The following RNF157 variants were observed in gnomAD, a reference collection of about 807,000 sequenced individuals.
RNF157 encodes E3 ubiquitin ligase RNF157.
Under a neutral mutation model 88.3 loss-of-function variants are expected in RNF157, and 55 were observed. The observed-to-expected ratio is 0.62, with a 90% confidence interval of 0.50 to 0.78. RNF157 has a LOEUF of 0.78. Among genes scored for constraint, RNF157 ranks in the 30% least tolerant of loss-of-function variants. The probability of loss-of-function intolerance (pLI) is 0.00; values close to 1 mark genes in which losing one functional copy is unlikely to be tolerated. For missense variants in RNF157, 788 were observed against 860.8 expected, an observed-to-expected ratio of 0.92 and a Z score of 1.06; for synonymous variants, 334 against 341.2, an observed-to-expected ratio of 0.98 and a Z score of 0.23.
At chr17:76,238,216 C>T (rs988774749) in intron 1 of RNF157, among the ~76,000 whole-genome samples, 1 of 152,052 alleles carries the variant, frequency 6.6e-6, no homozygotes, top group Non-Finnish European at 1.5e-5. Flanking sequence ...AGAAGAAAGG[C>T]GATGCCTCCG....
At position 76,147,141 on chromosome 17, in the gene RNF157, T is replaced by C. The variant is rs939139661; in HGVS notation, c.1922-1788A>G. On this transcript the variant is annotated intron_variant, in intron 18 of 18. Transcript: ENST00000269391. ...GAGTCAAGGTGTTTTTTTTCACCTC[T>C]AATGGTGGCACTATGTGTCTAAGTG... The C allele has an allele frequency of 2.9e-5, 29 of 985,136 alleles. No individual in the cohort carries two copies. In the African/African-American group the frequency reaches 4.7e-4, roughly 16 times the overall value. 61.0% of individuals were successfully genotyped at this position (985,136 alleles called of 1,614,324 possible). A position where few individuals can be genotyped will look rare whatever the true frequency, so the allele number is the denominator to read the frequency against.
chr17:76,159,348 TTTTGAG>T lies in RNF157; in HGVS notation c.1285_1290del (p.Leu429_Lys430del), dbSNP rs757621322. Reference sequence around the variant, plus strand: ...CTGGCTACTCACTTGGAGAGACTCTTTTTGAGTTTGAGTCCCTGACTGCTGCTGTCA... The same window carrying T: ...CTGGCTACTCACTTGGAGAGACTCTTTTTGAGTCCCTGACTGCTGCTGTCA... On this transcript the variant is annotated inframe_deletion, in exon 12 of 19. Transcript: ENST00000269391. 2 of 1,613,014 alleles carry T rather than the reference TTTTGAG, an allele frequency of 1.2e-6. No homozygotes were observed. Among genetic ancestry groups the T allele is most frequent in the African/African-American group, 2.7e-5 (2 of 74,880 alleles).
At chr17:76,150,691 T>C (rs1245010129) in intron 18 of RNF157, among the ~76,000 whole-genome samples, 2 of 152,228 alleles carry the variant, frequency 1.3e-5, no homozygotes, top group Non-Finnish European at 2.9e-5. Flanking sequence ...CCATAGCCCT[T>C]GCCACAGAAG....
intron 5 of RNF157, 74 bp from the exon 6 acceptor site, chr17:76,166,601 G>A: frequency 2.5e-6 from 3 of 1,188,206 alleles, no homozygotes; most frequent in Non-Finnish European, 3.7e-6. Context: ...ATCTCAGAAA[G>A]GGCGATACTG....
chr17:76,220,919 T>C (rs1162055108), intron 1 of RNF157, among the ~76,000 whole-genome samples: 3 of 151,194 alleles, frequency 2.0e-5, no homozygotes, highest in East Asian at 3.9e-4. Flanking sequence ...GATTGCGCCA[T>C]TGTACTCTGA....
At chr17:76,162,060 TACTG>T in intron 9 of RNF157, 58 bp from the exon 10 acceptor site, 1 of 1,553,842 alleles carries the variant, frequency 6.4e-7, no homozygotes, top group Non-Finnish European at 8.8e-7. Flanking sequence ...TCCCATACTT[TACTG>T]ACAAGGCAGC....
chr17:76,187,038 T>C lies in RNF157; in HGVS notation c.208-13248A>G, dbSNP rs117647154. ...ATAGTATGAAATATATCAATGGAAA[T>C]AGTTAAGTTTATAAGCCAAACAAAC... On this transcript the variant is annotated intron_variant, in intron 2 of 18. Coordinates refer to ENST00000269391, the MANE Select transcript of RNF157 (RefSeq NM_052916.3). Among the ~76,000 whole-genome samples, 9 of 152,036 alleles carry C rather than the reference T, an allele frequency of 5.9e-5. 1 individual carries two copies. The East Asian group carries it at 1.7e-3, about 29-fold the overall frequency.
chr17:76,167,631 T>C lies in RNF157; in HGVS notation c.443+20A>G. The C allele has an allele frequency of 6.2e-7, 1 of 1,613,444 alleles. No individual in the cohort carries two copies. On this transcript the variant is annotated intron_variant, in intron 4 of 18. Coordinates refer to ENST00000269391, the MANE Select transcript of RNF157 (RefSeq NM_052916.3). ...TAATAATCTGGGAAGGAAGTGGCTC[T>C]CCTGGTCTCCTGATCTTACCTGGCA...
rs1208669720 is a variant in RNF157, at chr17:76,160,811, T to C, written c.1065+724A>G. ...GAATCCTTTCCAATCCAAAGTCAAC[T>C]AAATAATCATCTATAATTTATTCTA... On this transcript the variant is annotated intron_variant, in intron 11 of 18. Transcript: ENST00000269391. This position sits in a 1 kb window ranked among gnomAD's most constrained non-coding sequence, Gnocchi z 4.3. Among the ~76,000 whole-genome samples the C allele has an allele frequency of 1.3e-5, 2 of 152,250 alleles. No individual in the cohort carries two copies. The highest frequency in any genetic ancestry group is 4.8e-5 in the African/African-American group (2 of 41,470).
intron 2 of RNF157, among the ~76,000 whole-genome samples, chr17:76,201,339 A>AG (rs1240846996): frequency 1.0e-3 from 158 of 150,748 alleles, no homozygotes; most frequent in African/African-American, 3.6e-3. Context: ...AAAAAAAAAA[A>AG]AGAGAAAAAG....
rs986212503 is a variant in RNF157 at position 76,161,628 on chromosome 17, C to G, written c.972G>C (p.Gln324His). 5.0e-6 allele frequency: 8 copies of G among 1,614,048 alleles called. No individual in the cohort carries two copies. Among genetic ancestry groups the G allele is most frequent in the Non-Finnish European group, 5.9e-6 (7 of 1,179,982 alleles). Residue 324 changes from glutamine (Q) to histidine (H), a missense_variant, in exon 11 of 19, where the codon CAG (glutamine) becomes CAC (histidine). Transcript: ENST00000269391. The surrounding 1 kb of genome is among the most constrained non-coding windows in gnomAD (Gnocchi z 4.6). ...ICRLPFRALL[Q>H]IRAMRKKLGP... Reference sequence around the variant, plus strand: ...CCAATTTTTTCCTCATGGCTCGGATCTGAAGCAGTGCCCGGAAGGCTGTGA... The same window carrying G: ...CCAATTTTTTCCTCATGGCTCGGATGTGAAGCAGTGCCCGGAAGGCTGTGA...
chr17:76,185,260 G>A (rs984271036), intron 2 of RNF157, among the ~76,000 whole-genome samples: 1 of 152,124 alleles, frequency 6.6e-6, no homozygotes, highest in African/African-American at 2.4e-5. Flanking sequence ...CTTCCCAGCA[G>A]GCTAAAACCT....
intron 5 of RNF157, 27 bp downstream of exon 5, chr17:76,166,982 G>T: frequency 6.5e-7 from 1 of 1,542,726 alleles, no homozygotes; most frequent in Non-Finnish European, 8.8e-7. Flanking sequence ...GAGTGGATGT[G>T]GGAAACCCTC....
intron 2 of RNF157, among the ~76,000 whole-genome samples, 189 bp from the exon 3 acceptor site, chr17:76,173,979 T>C (rs1357494828): frequency 6.6e-6 from 1 of 152,012 alleles, no homozygotes; most frequent in Admixed American, 6.6e-5. Context: ...GCGGGAAAAC[T>C]GGGATGCAAT....
chr17:76,217,966 G>GT (rs1407419409), intron 1 of RNF157, among the ~76,000 whole-genome samples: 1 of 152,176 alleles, frequency 6.6e-6, no homozygotes, highest in Non-Finnish European at 1.5e-5. Flanking sequence ...CATAGTTTTA[G>GT]TTTTATAAAA....
chr17:76,214,141 T>C lies in RNF157; in HGVS notation c.89-1659A>G, dbSNP rs142307356. The stretch of plus-strand genomic sequence containing the variant: ...TGGGGCTTGCGATGGGCATCAGAAG[T>C]GGGGGGCAGTCTTGTGAGATTGCAC... On this transcript the variant is annotated intron_variant, in intron 1 of 18. Coordinates refer to ENST00000269391, the MANE Select transcript of RNF157 (RefSeq NM_052916.3). Among the ~76,000 whole-genome samples the C allele has an allele frequency of 3.5e-4, 53 of 152,202 alleles. 3 individuals carry two copies. In the East Asian group the frequency reaches 8.1e-3, roughly 23 times the overall value.
In RNF157 at chr17:76,159,508, G is replaced by A. The variant is rs1418513027; in HGVS notation, c.1131C>T (p.Leu377=). The A allele has an allele frequency of 1.9e-6, 3 of 1,608,474 alleles. No individual in the cohort carries two copies. Among genetic ancestry groups the A allele is most frequent in the Non-Finnish European group, 2.5e-6 (3 of 1,178,318 alleles). Residue 377 remains leucine (L), a synonymous_variant, in exon 12 of 19, where the codon CTC becomes CTT. Coordinates refer to ENST00000269391, the MANE Select transcript of RNF157 (RefSeq NM_052916.3). ...GTGGAGGAACTGCTGGGGACGGGGTGAGGGGCCCGTTGAGGGCCTCCAGAA... is the reference window on the plus strand; with the variant it reads ...GTGGAGGAACTGCTGGGGACGGGGTAAGGGGCCCGTTGAGGGCCTCCAGAA... The part of the protein sequence containing the change: ...VSLLEALNGP[L]TPSPAVPPLH...
intron 2 of RNF157, among the ~76,000 whole-genome samples, chr17:76,196,975 T>G (rs892533541): frequency 6.6e-6 from 1 of 152,370 alleles, no homozygotes; most frequent in South Asian, 2.1e-4. Context: ...TCTGTCTTCC[T>G]CATCTCTAGA....
Position 76,155,276 on chromosome 17 carries a change from G to T in RNF157, c.1740C>A (p.Leu580=). ...AESPDSNFAG[L]PAGEQDAEGN... ...CCTCTGCATCCTGCTCTCCAGCTGGGAGGCCAGCAAAGTTGCTGTCTGGAG... is the reference window on the plus strand; with the variant it reads ...CCTCTGCATCCTGCTCTCCAGCTGGTAGGCCAGCAAAGTTGCTGTCTGGAG... The change falls in exon 16 of 19, where the codon CTC becomes CTA. Residue 580 remains leucine (L), a synonymous_variant. Coordinates refer to ENST00000269391, the MANE Select transcript of RNF157 (RefSeq NM_052916.3). The T allele has an allele frequency of 6.2e-7, 1 of 1,614,258 alleles. No individual in the cohort carries two copies. Among genetic ancestry groups the T allele is most frequent in the South Asian group, 1.1e-5 (1 of 91,092 alleles).
Sources: allele counts gnomAD v4.1 joint callset (sites outside exome capture counted in the v4.1 genomes callset), GRCh38; gene constraint gnomAD v4.1.1; non-coding constraint Gnocchi (gnomAD v3.1); transcripts MANE v1.5; gene names NCBI Gene and HGNC (gene_info 2026-07-23, HGNC 2026-07-21).